The following SNX25 variants were observed in gnomAD, a reference collection of about 807,000 sequenced individuals.
The protein encoded by SNX25 is sorting nexin 25, also known as sorting nexin-25.
In SNX25, 62 loss-of-function variants were observed where a neutral mutation model predicts 113.7. That is an observed-to-expected ratio of 0.55 (90% CI 0.44 to 0.67). The LOEUF (loss-of-function observed/expected upper bound fraction) is 0.67. SNX25 is among the 30% of genes least tolerant of loss of function. The pLI, the probability that SNX25 is intolerant of heterozygous loss-of-function variation, is 0.00. For synonymous variants in SNX25, 421 were observed against 436.2 expected (o/e 0.97, Z 0.43); for missense variants, 1,014 against 1,161.0 (o/e 0.87, Z 1.84).
At chr4:185,370,795 C>T (rs201180140), downstream of SNX25, 3 of 1,613,968 alleles carry the variant, frequency 1.9e-6, no homozygotes, top group Admixed American at 1.7e-5. Context: ...ATGTCGTGAA[C>T]CTCATCATAG....
downstream of SNX25, chr4:185,374,148 T>C: frequency 6.2e-7 from 1 of 1,614,030 alleles, no homozygotes; most frequent in Non-Finnish European, 8.5e-7. Context: ...TTCTAACTCC[T>C]TGGGCTCCTT....
In SNX25 at chr4:185,241,463, G is replaced by A. The variant is rs182151633; in HGVS notation, c.430-5831G>A. Among the ~76,000 whole-genome samples the A allele has an allele frequency of 4.0e-3, 492 of 124,232 alleles. 26 individuals are homozygous for A. Among genetic ancestry groups the A allele is most frequent in the African/African-American group, 0.012 (470 of 38,600 alleles). The allele number at this position is 124,232 out of a possible 152,430, so 81.5% of individuals were successfully genotyped here. On this transcript the variant is annotated intron_variant, in intron 1 of 18. Transcript: ENST00000652585. ...GCTTTGGCTCGGCATCGGGGAGACC[G>A]TGGAAAGAGAGGGAGAGGGAGACTG...
At chr4:185,356,678 C>G (rs1316531723) in intron 15 of SNX25, among the ~76,000 whole-genome samples, 1 of 152,120 alleles carries the variant, frequency 6.6e-6, no homozygotes, top group Non-Finnish European at 1.5e-5. Flanking sequence ...TGTGGTTGCC[C>G]TTGTACAGAG....
intron 6 of SNX25, among the ~76,000 whole-genome samples, chr4:185,301,992 T>G (rs1410137285): frequency 1.3e-5 from 2 of 151,942 alleles, no homozygotes; most frequent in African/African-American, 4.8e-5. Context: ...CTCTGCCTCC[T>G]GGGTTCCAGT....
intron 1 of SNX25, among the ~76,000 whole-genome samples, chr4:185,225,721 C>T (rs757573821): frequency 3.9e-5 from 6 of 152,118 alleles, no homozygotes; most frequent in South Asian, 2.1e-4. Flanking sequence ...AACTGCATTA[C>T]GTTACCCAGT....
At chr4:185,269,650 C>T (rs966656695) in intron 5 of SNX25, among the ~76,000 whole-genome samples, 12 of 152,052 alleles carry the variant, frequency 7.9e-5, no homozygotes, top group African/African-American at 2.9e-4. Flanking sequence ...ATTTTGTGTG[C>T]CAAACTGAAG....
intron 7 of SNX25, among the ~76,000 whole-genome samples, chr4:185,317,364 CTGTTGGTAGGAG>C (rs1246259883): frequency 1.3e-5 from 2 of 152,180 alleles, no homozygotes; most frequent in Non-Finnish European, 2.9e-5. Flanking sequence ...TGCTTTTACA[CTGTTGGTAGGAG>C]TGTAAATTAG....
At chr4:185,362,151 A>C in intron 17 of SNX25, 46 bp downstream of exon 17, 1 of 1,545,946 alleles carries the variant, frequency 6.5e-7, no homozygotes, top group East Asian at 2.4e-5. Flanking sequence ...ATCTGAGGGA[A>C]TGTGAACCCC....
At chr4:185,341,231 G>A (rs542164265) in intron 11 of SNX25, among the ~76,000 whole-genome samples, 22 of 152,308 alleles carry the variant, frequency 1.4e-4, no homozygotes, top group Non-Finnish European at 3.1e-4. Context: ...GTGCACGCAT[G>A]CACACATACA....
At chr4:185,264,379 G>C in intron 3 of SNX25, 59 bp from the exon 4 acceptor site, 1 of 1,501,368 alleles carries the variant, frequency 6.7e-7, no homozygotes, top group South Asian at 1.2e-5. Context: ...TTACCTAATA[G>C]TACATAATTG....
intron 1 of SNX25, among the ~76,000 whole-genome samples, chr4:185,226,781 CAT>C (rs775524309): frequency 1.3e-5 from 2 of 152,228 alleles, no homozygotes; most frequent in Non-Finnish European, 2.9e-5. Flanking sequence ...AGCTTTACAA[CAT>C]GTGTTATTAA....
At chr4:185,307,393 A>T (rs1300773464) in intron 6 of SNX25, among the ~76,000 whole-genome samples, 1 of 152,182 alleles carries the variant, frequency 6.6e-6, no homozygotes, top group Non-Finnish European at 1.5e-5. Context: ...CTGTCCAGAT[A>T]TGTAGTTCCC....
At chr4:185,321,248 T>G (rs1166207565) in intron 8 of SNX25, among the ~76,000 whole-genome samples, 1 of 151,898 alleles carries the variant, frequency 6.6e-6, no homozygotes, top group African/African-American at 2.4e-5. Flanking sequence ...TTTTATACTT[T>G]GCCTTTCATT....
intron 1 of SNX25, among the ~76,000 whole-genome samples, chr4:185,222,374 C>T (rs950865029): frequency 6.6e-6 from 1 of 151,968 alleles, no homozygotes; most frequent in Non-Finnish European, 1.5e-5. Flanking sequence ...GCCATATACC[C>T]CTCCCTCACG....
At chr4:185,322,357 G>A (rs914615219) in intron 8 of SNX25, among the ~76,000 whole-genome samples, 6 of 152,110 alleles carry the variant, frequency 3.9e-5, no homozygotes, top group Non-Finnish European at 7.3e-5. Flanking sequence ...CTTGAACCTG[G>A]GAAGGTGGAG....
intron 1 of SNX25, among the ~76,000 whole-genome samples, chr4:185,220,835 C>T (rs989951844): frequency 6.6e-6 from 1 of 151,982 alleles, no homozygotes; most frequent in Non-Finnish European, 1.5e-5. Flanking sequence ...TCCATCAAGT[C>T]CTGTCCTTTT....
chr4:185,338,466 T>C (rs113624287), intron 10 of SNX25, among the ~76,000 whole-genome samples: 2,125 of 152,170 alleles, frequency 0.014, 53 homozygotes, highest in African/African-American at 0.049. Flanking sequence ...TTTTATATTT[T>C]TAGTAGTGAC....
At chr4:185,315,732 A>G (rs1439539629) in intron 7 of SNX25, among the ~76,000 whole-genome samples, 1 of 152,214 alleles carries the variant, frequency 6.6e-6, no homozygotes, top group African/African-American at 2.4e-5. Flanking sequence ...CCAGAGGAAA[A>G]AAAAACTTCA....
intron 5 of SNX25, among the ~76,000 whole-genome samples, chr4:185,268,824 A>G (rs995709242): frequency 3.9e-5 from 6 of 152,222 alleles, no homozygotes; most frequent in Admixed American, 1.3e-4. Flanking sequence ...GACAGCTTCA[A>G]TTTACAAATA....
Sources: gnomAD v4.1 joint callset for allele counts (sites outside exome capture counted in the v4.1 genomes callset) on GRCh38, gnomAD v4.1.1 for gene constraint, MANE v1.5 for transcripts, NCBI Gene and HGNC (gene_info 2026-07-23, HGNC 2026-07-21) for gene names.